Variants in MEIS2 observed in about 807,000 individuals in gnomAD.
The protein encoded by MEIS2 is Meis homeobox 2, also known as homeobox protein Meis2.
MEIS2 carries 9 observed loss-of-function variants against 58.6 expected under a neutral mutation model. The observed-to-expected ratio is 0.15, with a 90% CI of 0.09 to 0.27. MEIS2 has a LOEUF of 0.27. Ranked by LOEUF, MEIS2 falls within the 10% of genes least tolerant of loss-of-function variation. The pLI, the probability that MEIS2 is intolerant of heterozygous loss-of-function variation, is 1.00. For synonymous variants in MEIS2, 221 were observed against 228.4 expected, an observed-to-expected ratio of 0.97 and a Z score of 0.29; for missense variants, 427 against 635.0, an observed-to-expected ratio of 0.67 and a Z score of 3.52.
intron 9 of MEIS2, 168 bp from the exon 10 acceptor site, chr15:36,896,854 A>C: frequency 1.6e-6 from 1 of 614,748 alleles, no homozygotes; most frequent in Non-Finnish European, 2.9e-6. Flanking sequence ...TTGACTGGGT[A>C]ATCTCCGTCG....
intron 9 of MEIS2, among the ~76,000 whole-genome samples, chr15:36,942,217 C>CCAAAA (rs1016686548): frequency 3.6e-4 from 54 of 152,098 alleles, no homozygotes; most frequent in African/African-American, 1.2e-3. Context: ...ATGCACAAAA[C>CCAAAA]CAAAACAAAA....
At chr15:37,095,678 AG>A in intron 3 of MEIS2, 64 bp from the exon 4 acceptor site, 2 of 1,612,520 alleles carry the variant, frequency 1.2e-6, no homozygotes, top group Non-Finnish European at 1.7e-6. Flanking sequence ...CTGAAATGTG[AG>A]AATGGGTACG....
intron 9 of MEIS2, among the ~76,000 whole-genome samples, chr15:36,909,575 C>G (rs2056904428): frequency 6.6e-6 from 1 of 152,110 alleles, no homozygotes; most frequent in Non-Finnish European, 1.5e-5. Context: ...ATAACTCAGG[C>G]TTTCTGGCAC....
At chr15:36,952,958 T>G (rs1301230766) in intron 8 of MEIS2, among the ~76,000 whole-genome samples, 1 of 152,066 alleles carries the variant, frequency 6.6e-6, no homozygotes, top group Non-Finnish European at 1.5e-5. Flanking sequence ...AAATTCACCT[T>G]GCACAGATGG....
intron 8 of MEIS2, among the ~76,000 whole-genome samples, chr15:36,984,118 G>C (rs2060018917): frequency 6.6e-6 from 1 of 151,758 alleles, no homozygotes; most frequent in East Asian, 1.9e-4. Flanking sequence ...CTTTCTTTTT[G>C]ATTTGAATCT....
At chr15:36,900,527 AACTT>A (rs1308373405) in intron 9 of MEIS2, among the ~76,000 whole-genome samples, 1 of 152,198 alleles carries the variant, frequency 6.6e-6, no homozygotes, top group African/African-American at 2.4e-5. Context: ...GTTTAAAAAT[AACTT>A]AATTATAGAA....
intron 8 of MEIS2, among the ~76,000 whole-genome samples, chr15:36,970,740 A>C (rs2059523691): frequency 6.6e-6 from 1 of 152,168 alleles, no homozygotes; most frequent in Non-Finnish European, 1.5e-5. Flanking sequence ...ATCAACACCA[A>C]TTTAATGACT....
At chr15:37,030,840 G>A (rs1430724171) in intron 8 of MEIS2, among the ~76,000 whole-genome samples, 6 of 148,796 alleles carry the variant, frequency 4.0e-5, no homozygotes. Flanking sequence ...GGGTCTTGCT[G>A]TGTTGCCCAG....
intron 8 of MEIS2, among the ~76,000 whole-genome samples, chr15:36,991,421 GA>G (rs1358979084): frequency 1.3e-5 from 2 of 151,288 alleles, no homozygotes; most frequent in Non-Finnish European, 2.9e-5. Flanking sequence ...AAAGCAAAAG[GA>G]GTTCCCATTT....
chr15:37,009,783 G>C (rs889962538), intron 8 of MEIS2, among the ~76,000 whole-genome samples: 1 of 152,058 alleles, frequency 6.6e-6, no homozygotes, highest in African/African-American at 2.4e-5. Context: ...GAAAAGGAGG[G>C]TCTGAAAAAA....
At chr15:36,944,846 C>T (rs191812047) in intron 9 of MEIS2, among the ~76,000 whole-genome samples, 49 of 152,052 alleles carry the variant, frequency 3.2e-4, no homozygotes, top group Non-Finnish European at 8.8e-5. Context: ...TTATCTCGAC[C>T]CCACCTCCCT....
chr15:36,938,764 A>C (rs1014560117), intron 9 of MEIS2, among the ~76,000 whole-genome samples: 1 of 152,208 alleles, frequency 6.6e-6, no homozygotes, highest in African/African-American at 2.4e-5. Flanking sequence ...GACCTTAAAA[A>C]TCACCCAGTC....
chr15:36,922,169 A>G (rs1321987121), intron 9 of MEIS2, among the ~76,000 whole-genome samples: 6 of 152,214 alleles, frequency 3.9e-5, no homozygotes, highest in Admixed American at 3.9e-4. Flanking sequence ...TTGGTCTGTT[A>G]GAACCTAAAG....
At chr15:36,894,632 AAAAAT>A in intron 11 of MEIS2, 1 of 1,167,882 alleles carries the variant, frequency 8.6e-7, no homozygotes, top group Non-Finnish European at 1.2e-6. Flanking sequence ...ATGGGCAAGG[AAAAAT>A]AAAATGGGGG....
intron 8 of MEIS2, among the ~76,000 whole-genome samples, chr15:37,032,077 C>T (rs535292740): frequency 6.6e-6 from 1 of 152,216 alleles, no homozygotes; most frequent in African/African-American, 2.4e-5. Context: ...TAGCCCCAAG[C>T]GATCCTCCCC....
chr15:36,970,476 A>C (rs2059513253), intron 8 of MEIS2, among the ~76,000 whole-genome samples: 1 of 152,000 alleles, frequency 6.6e-6, no homozygotes, highest in Non-Finnish European at 1.5e-5. Flanking sequence ...GCAGGAAATT[A>C]AAGAGCGCCA....
At chr15:36,903,033 T>A (rs974611238) in intron 9 of MEIS2, among the ~76,000 whole-genome samples, 44 of 152,306 alleles carry the variant, frequency 2.9e-4, no homozygotes, top group African/African-American at 9.9e-4. Context: ...AAATTTGTTA[T>A]CTTATTTGAC....
intron 8 of MEIS2, among the ~76,000 whole-genome samples, chr15:37,027,482 G>C (rs1392143447): frequency 6.6e-6 from 1 of 152,160 alleles, no homozygotes; most frequent in Non-Finnish European, 1.5e-5. Context: ...TGATCTGAAT[G>C]AATATTCAGG....
At chr15:36,977,503 G>A (rs1178482291) in intron 8 of MEIS2, among the ~76,000 whole-genome samples, 1 of 152,162 alleles carries the variant, frequency 6.6e-6, no homozygotes, top group Non-Finnish European at 1.5e-5. Context: ...GGTGAGTCCA[G>A]GGATCATCAC....
Sources: gnomAD v4.1 joint callset for allele counts (sites outside exome capture counted in the v4.1 genomes callset) on GRCh38, gnomAD v4.1.1 for gene constraint, MANE v1.5 for transcripts, NCBI Gene and HGNC (gene_info 2026-07-23, HGNC 2026-07-21) for gene names.